The following HMCN2 variants were observed in gnomAD, a reference collection of about 807,000 sequenced individuals.
HMCN2 encodes hemicentin 2.
In HMCN2, 325 loss-of-function variants were observed where a neutral mutation model predicts 377.5. The observed-to-expected ratio is 0.86, with a 90% CI of 0.79 to 0.94. HMCN2 has a LOEUF of 0.94. Ranked by LOEUF, HMCN2 falls within the 40% of genes least tolerant of loss-of-function variation. The pLI is 0.00. For synonymous variants in HMCN2, 2,007 were observed against 2,046.8 expected (o/e 0.98, Z 0.53); for missense variants, 4,543 against 4,725.3 (o/e 0.96, Z 1.13).
At position 130,310,025 on chromosome 9, in the gene HMCN2, G is replaced by T. The variant is rs782384302; in HGVS notation, c.2314G>T (p.Gly772Cys). The change falls in exon 15 of 98, where the codon GGT becomes TGT. Residue 772 changes from glycine (G) to cysteine (C), a missense_variant. Transcript: ENST00000683500. ...CACCTGCCGGGCTGTCAATGAGTTG[G>T]GTGACGCCTCTGCAGAAATCCAGCT... ...TYTCRAVNEL[G>C]DASAEIQLAV... 1.7e-5 allele frequency: 9 copies of T among 533,818 alleles called. No homozygotes were observed. The highest frequency in any genetic ancestry group is 3.1e-5 in the Non-Finnish European group (8 of 259,692). The allele number at this position is 533,818 out of a possible 1,614,324, so 33.1% of individuals were successfully genotyped here. A position where few individuals can be genotyped will look rare whatever the true frequency, so the allele number is the denominator to read the frequency against.
chr9:130,330,701 C>T (rs920811180), intron 22 of HMCN2, among the ~76,000 whole-genome samples: 7 of 152,134 alleles, frequency 4.6e-5, no homozygotes, highest in African/African-American at 7.2e-5. Flanking sequence ...CCCTTTGGAG[C>T]GGCTCTTATC....
At chr9:130,429,920 A>T in intron 94 of HMCN2, 1 of 748,532 alleles carries the variant, frequency 1.3e-6, no homozygotes, top group South Asian at 2.3e-5. Context: ...CCTCAGCCTG[A>T]CCCTGTGGGG....
At position 130,308,407 on chromosome 9, in the gene HMCN2, C is replaced by T. The variant is rs1382772577; in HGVS notation, c.2200+841C>T. On this transcript the variant is annotated intron_variant, in intron 14 of 97. Coordinates refer to ENST00000683500, the MANE Select transcript of HMCN2 (RefSeq NM_001291815.2). This position sits in a 1 kb window ranked among gnomAD's most constrained non-coding sequence, Gnocchi z 4.1. ...TGAGGTCATGGGCAGAGCGTTTTCA[C>T]GGTGCCTGCTGCCAGGCTGGAGTTT... is the stretch of plus-strand genomic sequence containing the variant. Among the ~76,000 whole-genome samples, 5 of 152,298 alleles carry T rather than the reference C, an allele frequency of 3.3e-5. No homozygotes were observed. Among genetic ancestry groups the T allele is most frequent in the African/African-American group, 7.2e-5 (3 of 41,550 alleles).
intron 93 of HMCN2, chr9:130,429,275 T>C: frequency 2.2e-6 from 1 of 456,396 alleles, no homozygotes; most frequent in Non-Finnish European, 3.9e-6. Context: ...AGAGGGAGAG[T>C]TCCTTGCCCA....
Position 130,384,444 on chromosome 9 carries a change from T to TGC in HMCN2, c.8904_8905dup (p.Asp2969AlafsTer86). ...CCTCAACAGCAGCGTCTCCCTCCCT[T>TGC]GCGACGTCCACGCTCACCCAAACCC... On this transcript the variant is annotated frameshift_variant, in exon 58 of 98. Coordinates refer to ENST00000683500, the MANE Select transcript of HMCN2 (RefSeq NM_001291815.2). LOFTEE classifies it high-confidence loss of function. 7.7e-7 allele frequency: 1 copy of TGC among 1,304,092 alleles called. No individual in the cohort carries two copies. The highest frequency in any genetic ancestry group is 1.0e-6 in the Non-Finnish European group (1 of 988,920). The allele number at this position is 1,304,092 out of a possible 1,614,324, so 80.8% of individuals were successfully genotyped here.
chr9:130,384,694 C>T lies in HMCN2; in HGVS notation c.9002C>T (p.Thr3001Met), dbSNP rs577872951. 1.7e-5 allele frequency: 22 copies of T among 1,302,328 alleles called. No individual in the cohort carries two copies. The highest frequency in any genetic ancestry group is 7.6e-5 in the African/African-American group (5 of 65,848). The allele number at this position is 1,302,328 out of a possible 1,614,324, so 80.7% of individuals were successfully genotyped here. ...EEVFLLPGTHTLQLGRARLSD... is the reference protein window; with the variant it reads ...EEVFLLPGTHMLQLGRARLSD... ...TGGCTTCCCCCGGCAGGCACCCACA[C>T]GCTGCAGCTGGGGAGAGCACGGCTG... The change falls in exon 59 of 98, where the codon ACG becomes ATG. Residue 3001 changes from threonine to methionine, a missense_variant. Physicochemically the swap from Thr to Met is moderately conservative, Grantham distance 81. This residue lies in a region of HMCN2 where 736 missense variants were observed against 773.2 expected (regional missense o/e 0.95). Transcript: ENST00000683500.
chr9:130,364,229 C>G (rs1840566304), intron 40 of HMCN2, among the ~76,000 whole-genome samples: 1 of 152,190 alleles, frequency 6.6e-6, no homozygotes, highest in Non-Finnish European at 1.5e-5. Context: ...CCCAGGAGTG[C>G]AAGTGGCATC....
At chr9:130,400,596 A>C in intron 76 of HMCN2, 187 bp from the exon 77 acceptor site, 1 of 236,252 alleles carries the variant, frequency 4.2e-6, no homozygotes. Context: ...TTAAAGAAAA[A>C]AAACTATAGC....
chr9:130,433,551 C>T lies in HMCN2; in HGVS notation c.15098C>T (p.Pro5033Leu). The change falls in exon 98 of 98, where the codon CCG (proline) becomes CTG (leucine). Residue 5033 changes from proline to leucine, a missense_variant. Pro to Leu is a moderately conservative substitution (Grantham distance 98). Around this residue, in one of 5 missense-constraint regions of HMCN2, gnomAD observed 1,155 missense variants for 1,157.7 expected, o/e 1.00. Coordinates refer to ENST00000683500, the MANE Select transcript of HMCN2 (RefSeq NM_001291815.2). The part of the protein sequence containing the change: ...PDPRSPFALR[P>L]LRAGLGAVYT... The stretch of plus-strand genomic sequence containing the variant: ...CCCCGCAGCCCCTTCGCGCTGCGTC[C>T]GCTGCGCGCGGGCCTTGGCGCGGTC... 6.8e-7 allele frequency: 1 copy of T among 1,469,460 alleles called. No individual in the cohort carries two copies. The highest frequency in any genetic ancestry group is 9.0e-7 in the Non-Finnish European group (1 of 1,116,450). 91.0% of individuals were successfully genotyped at this position (1,469,460 alleles called of 1,614,324 possible).
chr9:130,388,672 G>T (rs1842140949), intron 62 of HMCN2, 132 bp downstream of exon 62: 5 of 246,258 alleles, frequency 2.0e-5, no homozygotes, highest in Admixed American at 6.8e-5. Context: ...GTGCCGTGTT[G>T]CCCCCCCCCC....
intron 25 of HMCN2, among the ~76,000 whole-genome samples, chr9:130,346,561 G>A (rs1170754620): frequency 6.6e-6 from 1 of 152,068 alleles, no homozygotes; most frequent in Admixed American, 6.5e-5. Flanking sequence ...AGGAGCAGGA[G>A]CAGGCTGAGC....
rs528095892 is a variant in HMCN2 at position 130,304,517 on chromosome 9, A to G, written c.1544-213A>G. On this transcript the variant is annotated intron_variant, in intron 10 of 97. Transcript: ENST00000683500. The surrounding 1 kb of genome is among the most constrained non-coding windows in gnomAD (Gnocchi z 4.3). ...GTACCGTGCAGCCCCTGGCAGGTGTATAATGGTGGTGGGAGAAGTGACCTC... is the reference window on the plus strand; with the variant it reads ...GTACCGTGCAGCCCCTGGCAGGTGTGTAATGGTGGTGGGAGAAGTGACCTC... 6.6e-6 allele frequency among the ~76,000 whole-genome samples: 1 copy of G among 152,196 alleles called. No individual in the cohort carries two copies. The highest frequency in any genetic ancestry group is 1.5e-5 in the Non-Finnish European group (1 of 68,034).
At position 130,425,779 on chromosome 9, in the gene HMCN2, A is replaced by C. The variant is rs1466402246; in HGVS notation, c.13734A>C (p.Leu4578=). The change falls in exon 90 of 98, where the codon CTA becomes CTC. Residue 4578 remains leucine (L), a synonymous_variant. Transcript: ENST00000683500. ...TCCAGGGCGGCCTCCCCTCGTTCCT[A>C]CGCTGCAACCACAGCATCCAGTACA... ...RFFQGGLPSF[L]RCNHSIQYNA... The C allele has an allele frequency of 6.5e-7, 1 of 1,550,050 alleles. No individual in the cohort carries two copies. The highest frequency in any genetic ancestry group is 1.4e-5 in the African/African-American group (1 of 72,860).
rs562610840 is a variant in HMCN2 at position 130,374,583 on chromosome 9, G to T, written c.7520G>T (p.Gly2507Val). ...RGDAHHISPD[G>V]VLLQVLQANL... Reference sequence around the variant, plus strand: ...GATGCTCACCACATCTCCCCAGACGGAGTCCTCCTGCAGGTCCTCCAGGCA... The same window carrying T: ...GATGCTCACCACATCTCCCCAGACGTAGTCCTCCTGCAGGTCCTCCAGGCA... Residue 2507 changes from glycine to valine, a missense_variant, in exon 49 of 98, where the codon GGA becomes GTA. By Grantham distance (109) the Gly-to-Val change is moderately radical. Coordinates refer to ENST00000683500, the MANE Select transcript of HMCN2 (RefSeq NM_001291815.2). 11 of 985,776 alleles carry T rather than the reference G, an allele frequency of 1.1e-5. No homozygotes were observed. The African/African-American group carries it at 1.6e-4, about 14-fold the overall frequency. 61.1% of individuals were successfully genotyped at this position (985,776 alleles called of 1,614,324 possible).
chr9:130,305,003 G>A lies in HMCN2; in HGVS notation c.1816+1G>A, dbSNP rs1254689026. The A allele has an allele frequency of 8.5e-6, 4 of 468,216 alleles. No individual in the cohort carries two copies. The highest frequency in any genetic ancestry group is 4.0e-5 in the African/African-American group (2 of 50,038). The allele number at this position is 468,216 out of a possible 1,614,324, so 29.0% of individuals were successfully genotyped here. ...GCATCCGTCTGGCTCCTGGTGCGAG[G>A]TGAGGCTCATCCTGCTGCTGCTGTT... On this transcript the variant is annotated splice_donor_variant, in intron 11 of 97. Transcript: ENST00000683500. LOFTEE classifies it high-confidence loss of function.
chr9:130,431,161 G>C (rs1025109404), intron 95 of HMCN2: 2 of 600,464 alleles, frequency 3.3e-6, no homozygotes, highest in Non-Finnish European at 5.9e-6. Context: ...TGGTGAGCAC[G>C]GGGTAGGTAA....
rs1419057889 is a variant in HMCN2 at position 130,360,853 on chromosome 9, C to A, written c.5950+249C>A. On this transcript the variant is annotated intron_variant, in intron 38 of 97. Coordinates refer to ENST00000683500, the MANE Select transcript of HMCN2 (RefSeq NM_001291815.2). This position sits in a 1 kb window ranked among gnomAD's most constrained non-coding sequence, Gnocchi z 4.7. ...CCCATCCACTCATCCACCTATCCAC[C>A]CATCCATCCATCAACTCATCTATCC... 2.0e-5 allele frequency among the ~76,000 whole-genome samples: 3 copies of A among 151,606 alleles called. No homozygotes were observed. Among genetic ancestry groups the A allele is most frequent in the Admixed American group, 2.0e-4 (3 of 15,204 alleles).
intron 1 of HMCN2, among the ~76,000 whole-genome samples, chr9:130,271,618 A>G (rs1834412035): frequency 6.7e-6 from 1 of 148,640 alleles, no homozygotes; most frequent in Admixed American, 6.7e-5. Flanking sequence ...TTTTTCCCAC[A>G]TTCCTACTTT....
At position 130,352,169 on chromosome 9, in the gene HMCN2, C is replaced by T. The variant is rs554844891; in HGVS notation, c.4585+592C>T. ...ATGATTTACTTTTCTTTAAATGAGT[C>T]ACACTTCCTTACACTGAAACACATT... On this transcript the variant is annotated intron_variant, in intron 30 of 97. Coordinates refer to ENST00000683500, the MANE Select transcript of HMCN2 (RefSeq NM_001291815.2). Among the ~76,000 whole-genome samples the T allele has an allele frequency of 3.3e-5, 5 of 152,322 alleles. No homozygotes were observed. In the East Asian group the frequency reaches 9.6e-4, roughly 29 times the overall value.
Sources: allele counts gnomAD v4.1 joint callset (sites outside exome capture counted in the v4.1 genomes callset), GRCh38; gene constraint gnomAD v4.1.1; regional missense constraint gnomAD v4.1.1; non-coding constraint Gnocchi (gnomAD v3.1); transcripts MANE v1.5; gene names NCBI Gene and HGNC (gene_info 2026-07-23, HGNC 2026-07-21).